The following RASEF variants were observed in gnomAD, a reference collection of about 807,000 sequenced individuals.
RASEF encodes RAS and EF-hand domain containing, also known as ras and EF-hand domain-containing protein.
A neutral mutation model predicts 90.1 loss-of-function variants in RASEF; 68 were observed. That is an observed-to-expected ratio of 0.75 (90% CI 0.62 to 0.92). The LOEUF (loss-of-function observed/expected upper bound fraction) is 0.92. Ranked by LOEUF, RASEF falls within the 40% of genes least tolerant of loss-of-function variation. RASEF has a pLI of 0.00. For synonymous variants in RASEF, 331 were observed against 345.2 expected (o/e 0.96, Z 0.46); for missense variants, 949 against 937.2 (o/e 1.01, Z -0.16).
At chr9:83,130,399 T>C in the RASEF span, among the ~76,000 whole-genome samples, 2 of 152,186 alleles carry the variant, frequency 1.3e-5, no homozygotes, top group African/African-American at 2.4e-5. Flanking sequence ...TTAAAAGCAA[T>C]GAACCTACAT....
intron 16 of RASEF, among the ~76,000 whole-genome samples, chr9:82,984,316 T>C (rs1828672183): frequency 6.6e-6 from 1 of 152,206 alleles, no homozygotes; most frequent in African/African-American, 2.4e-5. Flanking sequence ...CTATATTGAA[T>C]GCATACAGCA....
intron 1 of RASEF, among the ~76,000 whole-genome samples, chr9:83,031,364 G>A (rs1829643189): frequency 6.6e-6 from 1 of 152,186 alleles, no homozygotes; most frequent in Non-Finnish European, 1.5e-5. Context: ...GAAGCATTCA[G>A]ATACCAAAGT....
chr9:83,190,400 A>T, the RASEF span, among the ~76,000 whole-genome samples: 37 of 152,214 alleles, frequency 2.4e-4, no homozygotes, highest in African/African-American at 8.7e-4. Context: ...GTTCTAGTGG[A>T]TCAATGGGCA....
chr9:82,990,869 C>A (rs1828800819), intron 15 of RASEF, among the ~76,000 whole-genome samples: 1 of 152,158 alleles, frequency 6.6e-6, no homozygotes, highest in Non-Finnish European at 1.5e-5. Flanking sequence ...CACCCTCCTT[C>A]CCGCTAACTT....
the RASEF span, among the ~76,000 whole-genome samples, chr9:83,193,283 T>G: frequency 7.2e-5 from 11 of 152,146 alleles, no homozygotes; most frequent in Non-Finnish European, 7.4e-5. Context: ...TTCCCTGCAG[T>G]GAAAGATGAG....
chr9:83,060,004 T>C (rs929428032), intron 1 of RASEF, among the ~76,000 whole-genome samples: 2 of 152,228 alleles, frequency 1.3e-5, no homozygotes, highest in African/African-American at 4.8e-5. Context: ...AATTGCTTAA[T>C]ATTTTGCTTG....
chr9:82,997,759 T>A (rs935423155), intron 13 of RASEF, among the ~76,000 whole-genome samples: 6 of 152,158 alleles, frequency 3.9e-5, no homozygotes, highest in Non-Finnish European at 8.8e-5. Flanking sequence ...ATGAGCACCA[T>A]GGGGGCAGGT....
chr9:83,119,162 C>A, the RASEF span, among the ~76,000 whole-genome samples: 1 of 145,020 alleles, frequency 6.9e-6, no homozygotes, highest in African/African-American at 2.6e-5. Context: ...CACATGCCAC[C>A]ATGCGGGCTA....
the RASEF span, among the ~76,000 whole-genome samples, chr9:83,102,453 T>C: frequency 6.6e-6 from 1 of 152,168 alleles, no homozygotes; most frequent in Admixed American, 6.5e-5. Context: ...GCCGTACACA[T>C]GTCTGCAAAT....
the RASEF span, among the ~76,000 whole-genome samples, chr9:83,109,943 C>T: frequency 6.6e-6 from 1 of 152,190 alleles, no homozygotes; most frequent in Non-Finnish European, 1.5e-5. Context: ...CATATCACTT[C>T]AGTTCCCATT....
In RASEF at chr9:83,062,524, A is replaced by C. The variant is rs766337766; in HGVS notation, c.344T>G (p.Leu115Arg). ...ACTCGCCGGGCCGCACGAGGTGGCC[A>C]GCGCCGCCGCCGCGTCCTCGTCGCC... ...DEGDEDAAAALATSCGPASPG... is the reference protein window; with the variant it reads ...DEGDEDAAAARATSCGPASPG... Residue 115 changes from leucine to arginine, a missense_variant, in exon 1 of 17, where the codon CTG becomes CGG. Coordinates refer to ENST00000376447, the MANE Select transcript of RASEF (RefSeq NM_152573.4). The C allele has an allele frequency of 2.5e-6, 4 of 1,608,678 alleles. No homozygotes were observed. The Admixed American group carries it at 6.7e-5, about 27-fold the overall frequency.
At chr9:83,130,870 G>A in the RASEF span, among the ~76,000 whole-genome samples, 1 of 152,310 alleles carries the variant, frequency 6.6e-6, no homozygotes, top group Middle Eastern at 3.4e-3. Flanking sequence ...AAAGCTGGCA[G>A]GACAATTCGA....
intron 9 of RASEF, among the ~76,000 whole-genome samples, chr9:83,002,860 A>AC (rs1303115439): frequency 6.6e-6 from 1 of 152,132 alleles, no homozygotes; most frequent in African/African-American, 2.4e-5. Context: ...CTGTGCATGT[A>AC]CCCCCTGAAT....
At chr9:83,036,291 G>C (rs1829740436) in intron 1 of RASEF, among the ~76,000 whole-genome samples, 1 of 152,220 alleles carries the variant, frequency 6.6e-6, no homozygotes, top group Non-Finnish European at 1.5e-5. Flanking sequence ...GGAAGCAGCT[G>C]CCTCGGCCAA....
chr9:83,106,626 G>T, the RASEF span, among the ~76,000 whole-genome samples: 1 of 152,080 alleles, frequency 6.6e-6, no homozygotes, highest in East Asian at 1.9e-4. Flanking sequence ...CTTCTCCTTT[G>T]TGTCCCATCA....
chr9:83,132,636 T>A, the RASEF span, among the ~76,000 whole-genome samples: 1 of 152,164 alleles, frequency 6.6e-6, no homozygotes, highest in Non-Finnish European at 1.5e-5. Flanking sequence ...CCCTTCAGGA[T>A]TTTTTCAGAG....
At position 82,997,848 on chromosome 9, in the gene RASEF, G is replaced by A. The variant is rs545077194; in HGVS notation, c.1805+517C>T. Among the ~76,000 whole-genome samples, 168 of 152,244 alleles carry A rather than the reference G, an allele frequency of 1.1e-3. 1 individual carries two copies. Among genetic ancestry groups the A allele is most frequent in the Non-Finnish European group, 2.1e-3 (145 of 68,026 alleles). ...ACAGAGGCAGGCACCCCATACTTAC[G>A]GGTTGAACAATTGAATGGATTTTGT... On this transcript the variant is annotated intron_variant, in intron 13 of 16. Transcript: ENST00000376447.
intron 1 of RASEF, among the ~76,000 whole-genome samples, chr9:83,029,390 CTTCT>C (rs1269952250): frequency 2.0e-5 from 3 of 149,220 alleles, no homozygotes; most frequent in Admixed American, 1.3e-4. Flanking sequence ...CCAGACTTGC[CTTCT>C]TTTTTTTTTT....
At chr9:83,142,399 T>C in the RASEF span, among the ~76,000 whole-genome samples, 1 of 152,264 alleles carries the variant, frequency 6.6e-6, no homozygotes, top group Non-Finnish European at 1.5e-5. Flanking sequence ...AGTTTACAGT[T>C]GATTCCTCTG....
Sources: gnomAD v4.1 joint callset for allele counts (sites outside exome capture counted in the v4.1 genomes callset) on GRCh38, gnomAD v4.1.1 for gene constraint, MANE v1.5 for transcripts, NCBI Gene and HGNC (gene_info 2026-07-23, HGNC 2026-07-21) for gene names.